The following OSBPL3 variants were observed in gnomAD, a reference collection of about 807,000 sequenced individuals.
The protein encoded by OSBPL3 is oxysterol-binding protein-related protein 3.
In OSBPL3, 65 loss-of-function variants were observed where a neutral mutation model predicts 120.1. That is an observed-to-expected ratio of 0.54 (90% CI 0.44 to 0.67). OSBPL3 has a LOEUF of 0.67. Among genes scored for constraint, OSBPL3 ranks in the 30% least tolerant of loss-of-function variants. The pLI is 0.00. For missense variants in OSBPL3, 1,004 were observed against 1,082.1 expected, an observed-to-expected ratio of 0.93 and a Z score of 1.01; for synonymous variants, 416 against 402.6, an observed-to-expected ratio of 1.03 and a Z score of -0.40.
Position 24,916,446 on chromosome 7 carries a change from A to AT in OSBPL3, c.-149-23826dup, listed in dbSNP as rs1485389829. On this transcript the variant is annotated intron_variant, in intron 1 of 22. Coordinates refer to ENST00000313367, the MANE Select transcript of OSBPL3 (RefSeq NM_015550.4). The surrounding 1 kb of genome is among the most constrained non-coding windows in gnomAD (Gnocchi z 4.9). ...TTTGAACTTTTTTTTCTTTTGCCTAATTTTTTTTAATTAAGAAAACATCAG... is the reference window on the plus strand; with the variant it reads ...TTTGAACTTTTTTTTCTTTTGCCTAATTTTTTTTTAATTAAGAAAACATCAG... Among the ~76,000 whole-genome samples the AT allele has an allele frequency of 2.0e-5, 3 of 151,738 alleles. No individual in the cohort carries two copies. Among genetic ancestry groups the AT allele is most frequent in the African/African-American group, 2.4e-5 (1 of 41,284 alleles).
chr7:24,962,869 T>C (rs1356998179), intron 1 of OSBPL3, among the ~76,000 whole-genome samples: 2 of 152,216 alleles, frequency 1.3e-5, no homozygotes, highest in African/African-American at 4.8e-5. Flanking sequence ...AATGCCCTAA[T>C]ACAGCACCAT....
In OSBPL3 at chr7:24,804,817, G is replaced by A. The variant is rs76448781; in HGVS notation, c.2445-380C>T. ...AACACATATTCTTATCCCTCCCTCCGTTTAAAAAATATAAATGGTAGCATG... is the reference window on the plus strand; with the variant it reads ...AACACATATTCTTATCCCTCCCTCCATTTAAAAAATATAAATGGTAGCATG... On this transcript the variant is annotated intron_variant, in intron 21 of 22. Transcript: ENST00000313367. This position sits in a 1 kb window ranked among gnomAD's most constrained non-coding sequence, Gnocchi z 5.4. Among the ~76,000 whole-genome samples the A allele has an allele frequency of 0.011, 1,677 of 151,922 alleles. 27 individuals are homozygous for A. Among genetic ancestry groups the A allele is most frequent in the African/African-American group, 0.038 (1,593 of 41,436 alleles).
intron 1 of OSBPL3, among the ~76,000 whole-genome samples, chr7:24,892,842 C>G (rs1805576564): frequency 6.6e-6 from 1 of 152,100 alleles, no homozygotes; most frequent in Non-Finnish European, 1.5e-5. Context: ...GGCTTAAGAA[C>G]ATTAATACAA....
intron 2 of OSBPL3, among the ~76,000 whole-genome samples, chr7:24,884,682 G>A (rs747115664): frequency 6.6e-6 from 1 of 152,150 alleles, no homozygotes; most frequent in Non-Finnish European, 1.5e-5. Context: ...TACTACAGGC[G>A]CTCTTCAAAC....
chr7:24,953,387 C>T lies in OSBPL3; in HGVS notation c.-150+26499G>A, dbSNP rs553795062. 7.2e-5 allele frequency among the ~76,000 whole-genome samples: 11 copies of T among 152,100 alleles called. No homozygotes were observed. In the South Asian group the frequency reaches 1.5e-3, roughly 20 times the overall value. ...AGCAGGTTCTAATTTCCTATCCCTG[C>T]CAGAAAGGCTGCTCAGAAGTTGAGT... On this transcript the variant is annotated intron_variant, in intron 1 of 22. Transcript: ENST00000313367. This position sits in a 1 kb window ranked among gnomAD's most constrained non-coding sequence, Gnocchi z 4.3.
chr7:24,826,784 C>T (rs1018224413), intron 16 of OSBPL3, among the ~76,000 whole-genome samples: 7 of 152,202 alleles, frequency 4.6e-5, no homozygotes, highest in African/African-American at 1.7e-4. Context: ...TTTCTGACCA[C>T]ATGAATCATT....
chr7:24,908,588 G>A (rs1010534923), intron 1 of OSBPL3, among the ~76,000 whole-genome samples: 1 of 152,114 alleles, frequency 6.6e-6, no homozygotes, highest in African/African-American at 2.4e-5. Context: ...TTCTAGTCAC[G>A]AGAACCACGC....
Position 24,854,018 on chromosome 7 carries a change from T to C in OSBPL3, c.1028-1384A>G, listed in dbSNP as rs1378255458. 6.6e-6 allele frequency among the ~76,000 whole-genome samples: 1 copy of C among 152,200 alleles called. No homozygotes were observed. The highest frequency in any genetic ancestry group is 1.5e-5 in the Non-Finnish European group (1 of 68,034). ...AGGTACAATGAGGGCTTAGCCACTA[T>C]GGCCTCCAATGCCTGAACTGAAGTT... On this transcript the variant is annotated intron_variant, in intron 10 of 22. Coordinates refer to ENST00000313367, the MANE Select transcript of OSBPL3 (RefSeq NM_015550.4). The surrounding 1 kb of genome is among the most constrained non-coding windows in gnomAD (Gnocchi z 4.1).
Position 24,873,239 on chromosome 7 carries a change from C to A in OSBPL3, c.97-1170G>T, listed in dbSNP as rs1014745284. The stretch of plus-strand genomic sequence containing the variant: ...GTGAGTCTGAACCAGCACCAGGGAG[C>A]AGGAGGCAGTTAGATTCAAGTCCTG... On this transcript the variant is annotated intron_variant, in intron 2 of 22. Transcript: ENST00000313367. The surrounding 1 kb of genome is among the most constrained non-coding windows in gnomAD (Gnocchi z 4.1). 1.3e-5 allele frequency among the ~76,000 whole-genome samples: 2 copies of A among 152,184 alleles called. No individual in the cohort carries two copies. Among genetic ancestry groups the A allele is most frequent in the African/African-American group, 4.8e-5 (2 of 41,434 alleles).
At position 24,827,622 on chromosome 7, in the gene OSBPL3, G is replaced by A. The variant is rs1795860358; in HGVS notation, c.1884+3146C>T. Among the ~76,000 whole-genome samples the A allele has an allele frequency of 6.6e-6, 1 of 152,248 alleles. No homozygotes were observed. Among genetic ancestry groups the A allele is most frequent in the African/African-American group, 2.4e-5 (1 of 41,472 alleles). On this transcript the variant is annotated intron_variant, in intron 16 of 22. Coordinates refer to ENST00000313367, the MANE Select transcript of OSBPL3 (RefSeq NM_015550.4). The surrounding 1 kb of genome is among the most constrained non-coding windows in gnomAD (Gnocchi z 5.1). Reference sequence around the variant, plus strand: ...AGCAGGTCTATTTTTCACAGTAAATGCATTTAGTAGCATTCTAGTTTATAT... The same window carrying A: ...AGCAGGTCTATTTTTCACAGTAAATACATTTAGTAGCATTCTAGTTTATAT...
chr7:24,809,999 T>G, intron 19 of OSBPL3, 48 bp from the exon 20 acceptor site: 1 of 1,600,902 alleles, frequency 6.2e-7, no homozygotes, highest in Non-Finnish European at 8.6e-7. Context: ...ATCAGCTTAT[T>G]ACAGATATTA....
At chr7:24,929,253 T>C (rs1000712945) in intron 1 of OSBPL3, among the ~76,000 whole-genome samples, 3 of 152,194 alleles carry the variant, frequency 2.0e-5, no homozygotes, top group African/African-American at 7.2e-5. Context: ...GTGTGTAACT[T>C]TTTCCTCTTT....
At chr7:24,847,195 C>T (rs1056590847) in intron 12 of OSBPL3, among the ~76,000 whole-genome samples, 3 of 152,010 alleles carry the variant, frequency 2.0e-5, no homozygotes, top group Admixed American at 6.5e-5. Context: ...CAGAGGTAAC[C>T]GGGAGTTACC....
At chr7:24,810,539 C>CA (rs1554341625) in intron 19 of OSBPL3, among the ~76,000 whole-genome samples, 1 of 152,008 alleles carries the variant, frequency 6.6e-6, no homozygotes, top group East Asian at 1.9e-4. Flanking sequence ...CAAAACAAAA[C>CA]AAAACAAAAA....
rs1813817100 is a variant in OSBPL3, at chr7:24,947,041, AC to A, written c.-150+32844del. Reference sequence around the variant, plus strand: ...TTGTACAACAAAGAAAACAATCTGTACCACAGAAGGCTGGACTGCTGAGTTC... The same window carrying A: ...TTGTACAACAAAGAAAACAATCTGTACACAGAAGGCTGGACTGCTGAGTTC... On this transcript the variant is annotated intron_variant, in intron 1 of 22. Coordinates refer to ENST00000313367, the MANE Select transcript of OSBPL3 (RefSeq NM_015550.4). This position sits in a 1 kb window ranked among gnomAD's most constrained non-coding sequence, Gnocchi z 4.4. Among the ~76,000 whole-genome samples, 1 of 152,222 alleles carries A rather than the reference AC, an allele frequency of 6.6e-6. No individual in the cohort carries two copies. Among genetic ancestry groups the A allele is most frequent in the African/African-American group, 2.4e-5 (1 of 41,456 alleles).
intron 1 of OSBPL3, among the ~76,000 whole-genome samples, chr7:24,908,590 G>A (rs185012280): frequency 8.5e-5 from 13 of 152,114 alleles, no homozygotes; most frequent in African/African-American, 3.1e-4. Context: ...CTAGTCACGA[G>A]AACCACGCTA....
At chr7:24,837,715 G>A (rs1797184824) in intron 14 of OSBPL3, among the ~76,000 whole-genome samples, 1 of 152,158 alleles carries the variant, frequency 6.6e-6, no homozygotes, top group Admixed American at 6.6e-5. Flanking sequence ...ACTACCACTT[G>A]TGGTAAACAG....
At position 24,800,178 on chromosome 7, in the gene OSBPL3, C is replaced by T; in HGVS notation, c.*5G>A. ...ACACTAATGTTATCTTTCTTCTTTA[C>T]TTTTTCACCATAAGACAGGATGGTC... On this transcript the variant is annotated 3_prime_UTR_variant, in exon 23 of 23. Coordinates refer to ENST00000313367, the MANE Select transcript of OSBPL3 (RefSeq NM_015550.4). 6.5e-7 allele frequency: 1 copy of T among 1,541,532 alleles called. No individual in the cohort carries two copies. Among genetic ancestry groups the T allele is most frequent in the South Asian group, 1.1e-5 (1 of 89,552 alleles).
intron 1 of OSBPL3, among the ~76,000 whole-genome samples, chr7:24,960,902 C>T (rs767826245): frequency 8.6e-5 from 13 of 152,018 alleles, no homozygotes; most frequent in Non-Finnish European, 1.2e-4. Flanking sequence ...TTAATTACAC[C>T]CCTCGATCTT....
Sources: gnomAD v4.1 joint callset for allele counts (sites outside exome capture counted in the v4.1 genomes callset) on GRCh38, gnomAD v4.1.1 for gene constraint, Gnocchi (gnomAD v3.1) non-coding constraint, MANE v1.5 for transcripts, NCBI Gene and HGNC (gene_info 2026-07-23, HGNC 2026-07-21) for gene names.